FLRT2: variants seen among roughly 807,000 people sequenced by gnomAD.
FLRT2 encodes leucine-rich repeat transmembrane protein FLRT2.
FLRT2 carries 15 observed loss-of-function variants against 40.0 expected under a neutral mutation model. The observed-to-expected ratio is 0.38, with a 90% CI of 0.25 to 0.58. The LOEUF is 0.58. Among genes scored for constraint, FLRT2 ranks in the 20% least tolerant of loss-of-function variants. The pLI, the probability that FLRT2 is intolerant of heterozygous loss-of-function variation, is 0.71. For missense variants in FLRT2, 726 were observed against 840.0 expected (o/e 0.86, Z 1.68); for synonymous variants, 380 against 336.8 (o/e 1.13, Z -1.41).
chr14:85,563,589 A>G (rs900108160), intron 1 of FLRT2, among the ~76,000 whole-genome samples: 1 of 151,982 alleles, frequency 6.6e-6, no homozygotes, highest in African/African-American at 2.4e-5. Flanking sequence ...CTTTTAAAAA[A>G]CCAGATCTCC....
chr14:85,535,910 TTTTTTTTTTTTGTTGTTG>T (rs1289974292), intron 1 of FLRT2, among the ~76,000 whole-genome samples: 2 of 81,566 alleles, frequency 2.5e-5, no homozygotes, highest in South Asian at 4.7e-4. Flanking sequence ...TTTTTTTTTT[TTTTTTTTTTTTGTTGTTG>T]TTGTTGTTGT....
At chr14:85,551,106 A>G (rs1173203633) in intron 1 of FLRT2, among the ~76,000 whole-genome samples, 1 of 152,232 alleles carries the variant, frequency 6.6e-6, no homozygotes, top group African/African-American at 2.4e-5. Context: ...TAAATAATGA[A>G]ATCTAGTGAG....
intron 1 of FLRT2, among the ~76,000 whole-genome samples, chr14:85,582,330 G>A (rs1032759782): frequency 1.3e-5 from 2 of 152,154 alleles, no homozygotes; most frequent in Non-Finnish European, 2.9e-5. Context: ...GTGACGGAAA[G>A]CTTGAATGGA....
chr14:85,545,035 CAT>C (rs1430213025), intron 1 of FLRT2, among the ~76,000 whole-genome samples: 2 of 152,112 alleles, frequency 1.3e-5, no homozygotes, highest in Non-Finnish European at 2.9e-5. Flanking sequence ...TGAAAAAACA[CAT>C]GAGATGATTT....
intron 1 of FLRT2, among the ~76,000 whole-genome samples, chr14:85,602,733 G>A (rs1892432024): frequency 6.6e-6 from 1 of 152,188 alleles, no homozygotes; most frequent in Non-Finnish European, 1.5e-5. Context: ...CAAGTTGCTG[G>A]AGTGTCACAA....
chr14:85,623,659 T>TA lies in FLRT2; in HGVS notation c.*169dup, dbSNP rs879623401. 58 of 520,514 alleles carry TA rather than the reference T, an allele frequency of 1.1e-4. No individual in the cohort carries two copies. The highest frequency in any genetic ancestry group is 2.3e-4 in the South Asian group (3 of 12,908). The allele number at this position is 520,514 out of a possible 1,614,324, so 32.2% of individuals were successfully genotyped here. On this transcript the variant is annotated 3_prime_UTR_variant, in exon 2 of 2. Transcript: ENST00000330753. ...ATACGGTGTACTATATAATGGGATT[T>TA]AAAAAAAGTGCTATCTTTTCTATTT... is the stretch of plus-strand genomic sequence containing the variant.
chr14:85,567,634 C>CTTTTTTTTTTTTTTTTTTTT (rs1566732052), intron 1 of FLRT2, among the ~76,000 whole-genome samples: 1 of 126,108 alleles, frequency 7.9e-6, no homozygotes, highest in African/African-American at 2.9e-5. Context: ...AAGTGACTTA[C>CTTTTTTTTTTTTTTTTTTTT]ATTTTTTTTT....
At chr14:85,567,559 G>C (rs371160988) in intron 1 of FLRT2, among the ~76,000 whole-genome samples, 26 of 151,966 alleles carry the variant, frequency 1.7e-4, no homozygotes, top group African/African-American at 5.5e-4. Context: ...CCTGCTGTTA[G>C]GGTGTTTGTG....
rs1054961127 is a variant in FLRT2, at chr14:85,654,116, G to A, written c.*30619G>A. ...TACAAATTCGTAAAGATAATACCTT[G>A]ATGTTTATGTCTATGCCAAACTTGC... On this transcript the variant is annotated 3_prime_UTR_variant, in exon 2 of 2. Coordinates refer to ENST00000330753, the MANE Select transcript of FLRT2 (RefSeq NM_013231.6). 3 of 152,072 alleles carry A rather than the reference G, an allele frequency of 2.0e-5. No homozygotes were observed. Among genetic ancestry groups the A allele is most frequent in the African/African-American group, 7.2e-5 (3 of 41,422 alleles). The allele number at this position is 152,072 out of a possible 1,614,324, so 9.4% of individuals were successfully genotyped here.
At chr14:85,588,483 T>G (rs2139311830) in intron 1 of FLRT2, among the ~76,000 whole-genome samples, 2 of 152,136 alleles carry the variant, frequency 1.3e-5, no homozygotes, top group East Asian at 3.9e-4. Context: ...AATTTTTACT[T>G]TTTTTGGGTA....
intron 1 of FLRT2, among the ~76,000 whole-genome samples, chr14:85,535,908 TTTTTTTTTTTTTTGTTGTTG>T (rs1220661826): frequency 9.0e-4 from 72 of 80,034 alleles, no homozygotes; most frequent in African/African-American, 3.9e-3. Context: ...TTTTTTTTTT[TTTTTTTTTTTTTTGTTGTTG>T]TTGTTGTTGT....
intron 1 of FLRT2, among the ~76,000 whole-genome samples, chr14:85,599,145 C>T (rs1892271965): frequency 1.3e-5 from 2 of 150,620 alleles, no homozygotes; most frequent in African/African-American, 4.9e-5. Context: ...TGATCTTGAT[C>T]TCCTGACCTC....
chr14:85,582,585 G>A (rs564574725), intron 1 of FLRT2, among the ~76,000 whole-genome samples: 22 of 151,984 alleles, frequency 1.4e-4, no homozygotes, highest in Non-Finnish European at 3.1e-4. Context: ...CTGGAGCATC[G>A]ACCTTATAAT....
rs1169964199 is a variant in FLRT2, at chr14:85,636,905, G to A, written c.*13408G>A. 3 of 141,958 alleles carry A rather than the reference G, an allele frequency of 2.1e-5. No individual in the cohort carries two copies. Among genetic ancestry groups the A allele is most frequent in the Non-Finnish European group, 4.6e-5 (3 of 65,792 alleles). 8.8% of individuals were successfully genotyped at this position (141,958 alleles called of 1,614,324 possible). On this transcript the variant is annotated 3_prime_UTR_variant, in exon 2 of 2. Coordinates refer to ENST00000330753, the MANE Select transcript of FLRT2 (RefSeq NM_013231.6). ...GATAGTGCCACTGCATTCTAGCCTGGGTGACAGAGCGATACTTCGTCTCCA... is the reference window on the plus strand; with the variant it reads ...GATAGTGCCACTGCATTCTAGCCTGAGTGACAGAGCGATACTTCGTCTCCA...
chr14:85,596,807 T>C (rs1892160452), intron 1 of FLRT2, among the ~76,000 whole-genome samples: 2 of 152,168 alleles, frequency 1.3e-5, no homozygotes, highest in South Asian at 4.1e-4. Flanking sequence ...TTTCAATTGA[T>C]TTTAAGCACA....
intron 1 of FLRT2, among the ~76,000 whole-genome samples, chr14:85,598,645 A>G (rs748918356): frequency 5.9e-5 from 9 of 152,208 alleles, no homozygotes; most frequent in African/African-American, 1.2e-4. Context: ...GTTGGACCTC[A>G]TAGGATTTTC....
At position 85,652,562 on chromosome 14, in the gene FLRT2, T is replaced by C. The variant is rs1894458975; in HGVS notation, c.*29065T>C. On this transcript the variant is annotated 3_prime_UTR_variant, in exon 2 of 2. Transcript: ENST00000330753. The stretch of plus-strand genomic sequence containing the variant: ...TATTTTTAGACTAAAAGCCTTTGAA[T>C]AAAATATTATACAACTTTAAATAAA... The C allele has an allele frequency of 6.6e-6, 1 of 152,158 alleles. No homozygotes were observed. Among genetic ancestry groups the C allele is most frequent in the Non-Finnish European group, 1.5e-5 (1 of 67,988 alleles). The allele number at this position is 152,158 out of a possible 1,614,324, so 9.4% of individuals were successfully genotyped here.
chr14:85,645,935 G>A lies in FLRT2; in HGVS notation c.*22438G>A, dbSNP rs1202340988. On this transcript the variant is annotated 3_prime_UTR_variant, in exon 2 of 2. Coordinates refer to ENST00000330753, the MANE Select transcript of FLRT2 (RefSeq NM_013231.6). The stretch of plus-strand genomic sequence containing the variant: ...GGTTCAGCAATCTATTTAGTGGCAG[G>A]TGGTGACAGTGGATTTCTTCTCTTA... The A allele has an allele frequency of 6.6e-6, 1 of 152,084 alleles. No homozygotes were observed. Among genetic ancestry groups the A allele is most frequent in the Non-Finnish European group, 1.5e-5 (1 of 68,030 alleles). The allele number at this position is 152,084 out of a possible 1,614,324, so 9.4% of individuals were successfully genotyped here. A position where few individuals can be genotyped will look rare whatever the true frequency, so the allele number is the denominator to read the frequency against.
chr14:85,605,631 G>A (rs572557233), intron 1 of FLRT2, among the ~76,000 whole-genome samples: 56 of 152,104 alleles, frequency 3.7e-4, no homozygotes, highest in Non-Finnish European at 4.9e-4. Context: ...TTAGCTGGGC[G>A]TGGTGGCGGG....
Sources: gnomAD v4.1 joint callset for allele counts (sites outside exome capture counted in the v4.1 genomes callset) on GRCh38, gnomAD v4.1.1 for gene constraint, MANE v1.5 for transcripts, NCBI Gene and HGNC (gene_info 2026-07-23, HGNC 2026-07-21) for gene names.